The following STXBP5L variants were observed in gnomAD, a reference collection of about 807,000 sequenced individuals.
STXBP5L encodes the protein syntaxin-binding protein 5-like.
A neutral mutation model predicts 144.5 loss-of-function variants in STXBP5L; 65 were observed. That is an observed-to-expected ratio of 0.45 (90% CI 0.37 to 0.55). The LOEUF is 0.55. STXBP5L is among the 20% of genes least tolerant of loss of function. The pLI is 0.00. For synonymous variants in STXBP5L, 505 were observed against 469.6 expected (o/e 1.08, Z -0.97); for missense variants, 1,298 against 1,405.5 (o/e 0.92, Z 1.22).
intron 5 of STXBP5L, among the ~76,000 whole-genome samples, chr3:121,064,150 G>A (rs562204730): frequency 3.3e-5 from 5 of 152,130 alleles, no homozygotes; most frequent in African/African-American, 1.2e-4. Context: ...TGGTCTGCAG[G>A]TTGTGAAGAC....
intron 10 of STXBP5L, among the ~76,000 whole-genome samples, chr3:121,222,801 T>C (rs2049012288): frequency 1.3e-5 from 2 of 152,164 alleles, no homozygotes; most frequent in Non-Finnish European, 2.9e-5. Context: ...CATTAGTAAA[T>C]TTAATGTGAG....
intron 3 of STXBP5L, among the ~76,000 whole-genome samples, chr3:120,990,395 T>A (rs1242709418): frequency 4.6e-5 from 7 of 152,162 alleles, no homozygotes; most frequent in African/African-American, 1.7e-4. Context: ...AGGTAATTTA[T>A]AGATTCAATG....
Position 120,985,159 on chromosome 3 carries a change from G to A in STXBP5L, c.287+30122G>A, listed in dbSNP as rs78588233. 2.3e-4 allele frequency among the ~76,000 whole-genome samples: 35 copies of A among 151,944 alleles called. No homozygotes were observed. In the East Asian group the frequency reaches 6.4e-3, roughly 28 times the overall value. The stretch of plus-strand genomic sequence containing the variant: ...GTATTTGTGTGACTTTGTTGTTAGG[G>A]TACTGTTGGCCTTACAGAATGAGTT... On this transcript the variant is annotated intron_variant, in intron 3 of 26. Transcript: ENST00000471454.
chr3:121,159,854 G>C (rs987886841), intron 9 of STXBP5L, among the ~76,000 whole-genome samples: 1 of 151,760 alleles, frequency 6.6e-6, no homozygotes, highest in Non-Finnish European at 1.5e-5. Flanking sequence ...GGATGGTCTC[G>C]ATCTCCTGAC....
chr3:121,338,630 G>A (rs1400698112), intron 20 of STXBP5L, among the ~76,000 whole-genome samples: 2 of 138,260 alleles, frequency 1.4e-5, no homozygotes, highest in African/African-American at 2.7e-5. Context: ...GAGAAAGAAA[G>A]AAAGAAAGAG....
At chr3:120,998,510 C>T (rs925708025) in intron 3 of STXBP5L, among the ~76,000 whole-genome samples, 2 of 152,028 alleles carry the variant, frequency 1.3e-5, no homozygotes, top group African/African-American at 4.8e-5. Flanking sequence ...TTAGGTATTT[C>T]TCCTAATGCT....
chr3:121,030,187 C>G (rs1946265379), intron 3 of STXBP5L, among the ~76,000 whole-genome samples: 1 of 152,074 alleles, frequency 6.6e-6, no homozygotes, highest in Non-Finnish European at 1.5e-5. Context: ...GGTGTATACC[C>G]AAAGGATTAT....
chr3:121,312,612 C>T (rs1306433398), intron 19 of STXBP5L, among the ~76,000 whole-genome samples: 4 of 150,942 alleles, frequency 2.7e-5, no homozygotes, highest in South Asian at 2.1e-4. Context: ...TGCGGCCTTC[C>T]GCAGTGTTTG....
chr3:121,212,034 A>G lies in STXBP5L; in HGVS notation c.956+6033A>G, dbSNP rs538194572. 3.3e-5 allele frequency among the ~76,000 whole-genome samples: 5 copies of G among 152,178 alleles called. No homozygotes were observed. In the East Asian group the frequency reaches 9.7e-4, roughly 29 times the overall value. On this transcript the variant is annotated intron_variant, in intron 10 of 26. Transcript: ENST00000471454. ...CTTCTTTTGAGAAGTGTCTATTCATATACTTCGCCAACTTTTAGATGAGGT... is the reference window on the plus strand; with the variant it reads ...CTTCTTTTGAGAAGTGTCTATTCATGTACTTCGCCAACTTTTAGATGAGGT...
In STXBP5L at chr3:121,237,423, C is replaced by A. The variant is rs919891311; in HGVS notation, c.1185-1548C>A. On this transcript the variant is annotated intron_variant, in intron 12 of 26. Coordinates refer to ENST00000471454, the MANE Select transcript of STXBP5L (RefSeq NM_001308330.2). ...GCAGTGGTGCCCTAGGCCTGTCCCC[C>A]AAAACCATTCTGTTCTCCTAGGCTC... 2.6e-5 allele frequency among the ~76,000 whole-genome samples: 4 copies of A among 152,208 alleles called. No homozygotes were observed. The East Asian group carries it at 7.7e-4, about 29-fold the overall frequency.
At chr3:121,301,373 T>A (rs2051897904) in intron 19 of STXBP5L, among the ~76,000 whole-genome samples, 1 of 152,204 alleles carries the variant, frequency 6.6e-6, no homozygotes, top group African/African-American at 2.4e-5. Context: ...TAAGAATGCT[T>A]GTGATTTTTG....
At chr3:121,206,778 C>A (rs1292747170) in intron 10 of STXBP5L, among the ~76,000 whole-genome samples, 1 of 152,062 alleles carries the variant, frequency 6.6e-6, no homozygotes, top group Non-Finnish European at 1.5e-5. Flanking sequence ...GCTGCCACTG[C>A]CCTTCAACCT....
chr3:121,178,050 A>G (rs749530920), intron 9 of STXBP5L, among the ~76,000 whole-genome samples: 2 of 152,206 alleles, frequency 1.3e-5, no homozygotes, highest in Non-Finnish European at 2.9e-5. Flanking sequence ...GTATGATTCC[A>G]TTTATATAAG....
At chr3:120,981,464 T>C (rs1298305462) in intron 3 of STXBP5L, among the ~76,000 whole-genome samples, 1 of 152,164 alleles carries the variant, frequency 6.6e-6, no homozygotes, top group Non-Finnish European at 1.5e-5. Context: ...TTTTTGTTTG[T>C]TCTAGCCTAT....
chr3:121,017,865 C>T (rs1945252594), intron 3 of STXBP5L, among the ~76,000 whole-genome samples: 1 of 152,020 alleles, frequency 6.6e-6, no homozygotes, highest in South Asian at 2.1e-4. Flanking sequence ...TTTCTTGAGG[C>T]CAGGAGTTCA....
intron 18 of STXBP5L, among the ~76,000 whole-genome samples, chr3:121,275,052 G>C (rs1342109793): frequency 6.6e-6 from 1 of 152,088 alleles, no homozygotes; most frequent in Non-Finnish European, 1.5e-5. Context: ...AATATTATTT[G>C]ACCATGTATG....
intron 3 of STXBP5L, among the ~76,000 whole-genome samples, chr3:121,029,516 A>G (rs1186574049): frequency 6.6e-6 from 1 of 152,186 alleles, no homozygotes; most frequent in Non-Finnish European, 1.5e-5. Flanking sequence ...CTTACACCTT[A>G]TACAACAATT....
intron 9 of STXBP5L, among the ~76,000 whole-genome samples, chr3:121,201,866 G>A (rs546515234): frequency 4.6e-5 from 7 of 151,894 alleles, no homozygotes; most frequent in Admixed American, 6.6e-5. Flanking sequence ...AGGGATTCTC[G>A]TGCCTCAGCC....
At chr3:121,024,968 A>T (rs1560017805) in intron 3 of STXBP5L, among the ~76,000 whole-genome samples, 1 of 152,214 alleles carries the variant, frequency 6.6e-6, no homozygotes, top group Non-Finnish European at 1.5e-5. Context: ...ATTGTATATA[A>T]CAGAATGTTA....
Sources: allele counts gnomAD v4.1 joint callset (sites outside exome capture counted in the v4.1 genomes callset), GRCh38; gene constraint gnomAD v4.1.1; transcripts MANE v1.5; gene names NCBI Gene and HGNC (gene_info 2026-07-23, HGNC 2026-07-21).